The following TNFSF4 variants were observed in gnomAD, a reference collection of about 807,000 sequenced individuals.
TNFSF4 encodes TNF superfamily member 4.
A neutral mutation model predicts 7.3 loss-of-function variants in TNFSF4; 4 were observed. The ratio of observed to expected loss-of-function variants is 0.55; its 90% CI spans 0.27 to 1.25. The LOEUF (loss-of-function observed/expected upper bound fraction) is 1.25, where lower values mean the gene tolerates loss of function less well. Ranked by LOEUF, TNFSF4 falls within the 50% of genes most tolerant of loss-of-function variation. TNFSF4 has a pLI of 0.12. For synonymous variants in TNFSF4, 76 were observed against 83.7 expected (o/e 0.91, Z 0.50); for missense variants, 181 against 208.8 (o/e 0.87, Z 0.82).
the TNFSF4 span, among the ~76,000 whole-genome samples, chr1:173,335,187 G>A: frequency 6.6e-6 from 1 of 152,110 alleles, no homozygotes; most frequent in African/African-American, 2.4e-5. Context: ...CCCACAGAGA[G>A]CAAGTTGGAA....
the TNFSF4 span, among the ~76,000 whole-genome samples, chr1:173,237,510 A>G: frequency 6.6e-6 from 1 of 152,006 alleles, no homozygotes; most frequent in Non-Finnish European, 1.5e-5. Flanking sequence ...AGAAAATCCC[A>G]TAGTCTCAGC....
chr1:173,285,700 T>G, the TNFSF4 span, among the ~76,000 whole-genome samples: 3 of 152,194 alleles, frequency 2.0e-5, no homozygotes, highest in Non-Finnish European at 4.4e-5. Flanking sequence ...TGATGAAGGC[T>G]CAAGTGATCA....
At chr1:173,212,287 G>T (rs1209800811), upstream of TNFSF4, among the ~76,000 whole-genome samples, 1 of 152,094 alleles carries the variant, frequency 6.6e-6, no homozygotes, top group African/African-American at 2.4e-5. Flanking sequence ...TCAACATAAG[G>T]CTTGGAGGGG....
the TNFSF4 span, among the ~76,000 whole-genome samples, chr1:173,335,041 G>A: frequency 6.6e-6 from 1 of 152,120 alleles, no homozygotes; most frequent in Non-Finnish European, 1.5e-5. Context: ...AAATAAAATT[G>A]AATCAGGCCA....
At chr1:173,408,488 AAATTT>A in the TNFSF4 span, among the ~76,000 whole-genome samples, 1 of 152,240 alleles carries the variant, frequency 6.6e-6, no homozygotes, top group African/African-American at 2.4e-5. Context: ...ATGGATAATT[AAATTT>A]AAAAAATCAC....
intron 1 of TNFSF4, among the ~76,000 whole-genome samples, chr1:173,193,649 C>T (rs1412685700): frequency 6.6e-6 from 1 of 151,104 alleles, no homozygotes. Context: ...TAATAGCAAG[C>T]TTAGAGAAAA....
chr1:173,422,974 AT>A, the TNFSF4 span, among the ~76,000 whole-genome samples: 117,842 of 148,968 alleles, frequency 0.79, 46,497 homozygotes, highest in South Asian at 0.88. Context: ...ATATATGTAC[AT>A]TTTTTTTTTT....
At chr1:173,211,394 T>C (rs2102007161), upstream of TNFSF4, among the ~76,000 whole-genome samples, 1 of 152,322 alleles carries the variant, frequency 6.6e-6, no homozygotes, top group African/African-American at 2.4e-5. Flanking sequence ...TCATCCTCGT[T>C]CCCAGTCATC....
At chr1:173,391,883 A>C in the TNFSF4 span, among the ~76,000 whole-genome samples, 2 of 152,238 alleles carry the variant, frequency 1.3e-5, no homozygotes, top group African/African-American at 4.8e-5. Flanking sequence ...AATAAAAAGC[A>C]GGACCTTGTA....
At chr1:173,301,388 T>TA in the TNFSF4 span, among the ~76,000 whole-genome samples, 2 of 151,862 alleles carry the variant, frequency 1.3e-5, no homozygotes, top group Non-Finnish European at 2.9e-5. Context: ...AACTCTTGTC[T>TA]AAAAAATGGA....
chr1:173,396,931 G>C, the TNFSF4 span, among the ~76,000 whole-genome samples: 2 of 152,208 alleles, frequency 1.3e-5, no homozygotes, highest in African/African-American at 4.8e-5. Context: ...CACAGTGGAA[G>C]CTGCAGCCAC....
At chr1:173,204,425 A>G (rs2102001116) in intron 1 of TNFSF4, among the ~76,000 whole-genome samples, 1 of 152,320 alleles carries the variant, frequency 6.6e-6, no homozygotes, top group Middle Eastern at 3.4e-3. Flanking sequence ...GACCTAACCC[A>G]GTGATGAGAA....
the TNFSF4 span, among the ~76,000 whole-genome samples, chr1:173,358,542 C>T: frequency 2.6e-5 from 4 of 152,144 alleles, no homozygotes; most frequent in African/African-American, 7.2e-5. Context: ...TAAGAACAAA[C>T]GATTGCACTC....
At chr1:173,187,749 T>G (rs960014374) in intron 2 of TNFSF4, among the ~76,000 whole-genome samples, 1 of 152,186 alleles carries the variant, frequency 6.6e-6, no homozygotes, top group African/African-American at 2.4e-5. Flanking sequence ...CCATCCCAAG[T>G]GCAAGCCAAA....
chr1:173,352,017 C>A, the TNFSF4 span: 1 of 397,312 alleles, frequency 2.5e-6, no homozygotes, highest in South Asian at 3.9e-5. Flanking sequence ...ATAAAGTAAT[C>A]TTATATACAA....
chr1:173,385,831 G>A, the TNFSF4 span, among the ~76,000 whole-genome samples: 1 of 151,844 alleles, frequency 6.6e-6, no homozygotes, highest in Non-Finnish European at 1.5e-5. Context: ...AACAGAGCAA[G>A]ACTCTGTCTC....
the TNFSF4 span, among the ~76,000 whole-genome samples, chr1:173,416,465 G>A: frequency 1.3e-5 from 2 of 152,098 alleles, no homozygotes; most frequent in East Asian, 3.9e-4. Flanking sequence ...AGGGGCACCT[G>A]TGGAGGGTGG....
At chr1:173,416,121 T>C in the TNFSF4 span, among the ~76,000 whole-genome samples, 2 of 152,046 alleles carry the variant, frequency 1.3e-5, no homozygotes, top group African/African-American at 4.8e-5. Flanking sequence ...CTCTCCTAGG[T>C]TGGTCCTTGT....
the TNFSF4 span, among the ~76,000 whole-genome samples, chr1:173,308,503 A>T: frequency 3.3e-5 from 5 of 151,496 alleles, no homozygotes; most frequent in African/African-American, 1.2e-4. Context: ...ACACAGCACT[A>T]CTTCTTAAAA....
Sources: allele counts gnomAD v4.1 joint callset (sites outside exome capture counted in the v4.1 genomes callset), GRCh38; gene constraint gnomAD v4.1.1; transcripts MANE v1.5; gene names NCBI Gene and HGNC (gene_info 2026-07-23, HGNC 2026-07-21).